Variants in DAB1 observed in about 807,000 individuals in gnomAD.
DAB1 encodes the protein disabled homolog 1.
A neutral mutation model predicts 64.6 loss-of-function variants in DAB1; 15 were observed. The ratio of observed to expected loss-of-function variants is 0.23; its 90% CI spans 0.16 to 0.36. DAB1 has a LOEUF of 0.36. DAB1 is among the 10% of genes least tolerant of loss of function. The pLI is 1.00. For missense variants in DAB1, 596 were observed against 706.7 expected (o/e 0.84, Z 1.78); for synonymous variants, 235 against 251.9 (o/e 0.93, Z 0.64).
At chr1:57,366,773 C>T (rs1018708700) in intron 1 of DAB1, among the ~76,000 whole-genome samples, 1 of 152,042 alleles carries the variant, frequency 6.6e-6, no homozygotes, top group African/African-American at 2.4e-5. Context: ...TAGCAACTTG[C>T]CTAATGTCAC....
chr1:57,530,939 G>A (rs1202207779), intron 7 of DAB1, among the ~76,000 whole-genome samples: 5 of 152,184 alleles, frequency 3.3e-5, no homozygotes, highest in African/African-American at 1.2e-4. Context: ...TTGCTGAGCA[G>A]AGAATCTTTT....
At chr1:57,911,799 C>T (rs1420058788) in intron 5 of DAB1, among the ~76,000 whole-genome samples, 2 of 152,186 alleles carry the variant, frequency 1.3e-5, no homozygotes, top group Admixed American at 1.3e-4. Flanking sequence ...TGCAGCTTAG[C>T]AAAGAGGGAC....
intron 2 of DAB1, among the ~76,000 whole-genome samples, chr1:57,207,202 C>G (rs1416199340): frequency 6.6e-6 from 1 of 151,462 alleles, no homozygotes; most frequent in Non-Finnish European, 1.5e-5. Context: ...CTCCTGACCT[C>G]AAGTGATCCA....
intron 6 of DAB1, among the ~76,000 whole-genome samples, chr1:57,667,645 C>T (rs1026540959): frequency 1.6e-4 from 25 of 152,000 alleles, no homozygotes; most frequent in South Asian, 2.1e-4. Context: ...TAGCTACATA[C>T]GATTTTTGGG....
At chr1:57,472,590 A>G (rs1570551572) in intron 7 of DAB1, among the ~76,000 whole-genome samples, 1 of 152,032 alleles carries the variant, frequency 6.6e-6, no homozygotes, top group East Asian at 1.9e-4. Flanking sequence ...TTCCGATCTA[A>G]TTACTGGTGC....
At chr1:57,960,681 G>A (rs954835190) in intron 5 of DAB1, among the ~76,000 whole-genome samples, 1 of 152,186 alleles carries the variant, frequency 6.6e-6, no homozygotes, top group Admixed American at 6.5e-5. Flanking sequence ...AGAGATCTTC[G>A]GAGGCTGAAG....
intron 5 of DAB1, among the ~76,000 whole-genome samples, chr1:57,947,763 T>G (rs966605589): frequency 6.6e-6 from 1 of 152,200 alleles, no homozygotes; most frequent in Non-Finnish European, 1.5e-5. Flanking sequence ...GTGGAATTTC[T>G]GGAGTGGGCA....
intron 4 of DAB1, among the ~76,000 whole-genome samples, chr1:57,085,249 C>T (rs1652954434): frequency 6.6e-6 from 1 of 152,184 alleles, no homozygotes; most frequent in South Asian, 2.1e-4. Context: ...TTTACTACAT[C>T]AGGTCATCTC....
chr1:58,024,434 G>A (rs1016543049), intron 5 of DAB1, among the ~76,000 whole-genome samples: 1 of 152,150 alleles, frequency 6.6e-6, no homozygotes, highest in East Asian at 1.9e-4. Context: ...GTTATTGTGT[G>A]CATAAAATAA....
chr1:58,050,765 G>A (rs908059977), intron 5 of DAB1, among the ~76,000 whole-genome samples: 10 of 152,064 alleles, frequency 6.6e-5, no homozygotes, highest in Non-Finnish European at 1.5e-4. Context: ...TCCTAATCTC[G>A]TGATCCGCCC....
chr1:58,506,337 G>T, intron 2 of DAB1: 1 of 579,894 alleles, frequency 1.7e-6, no homozygotes, highest in Non-Finnish European at 3.0e-6. Flanking sequence ...TGCACAACGT[G>T]CAGGTTTGTT....
At chr1:57,129,382 C>A (rs1469128663) in intron 4 of DAB1, among the ~76,000 whole-genome samples, 1 of 152,024 alleles carries the variant, frequency 6.6e-6, no homozygotes, top group Non-Finnish European at 1.5e-5. Flanking sequence ...ACTAACCACA[C>A]AGAGACCCAA....
At chr1:57,500,200 C>T (rs2691452) in intron 7 of DAB1, among the ~76,000 whole-genome samples, 11,892 of 152,172 alleles carry the variant, frequency 0.078, 1,449 homozygotes, top group African/African-American at 0.26. Flanking sequence ...GCTATATCTC[C>T]CCCTTTCAGA....
At chr1:58,481,491 A>C (rs1225565342) in intron 3 of DAB1, among the ~76,000 whole-genome samples, 3 of 152,236 alleles carry the variant, frequency 2.0e-5, no homozygotes, top group Non-Finnish European at 2.9e-5. Context: ...AAACTCTAGC[A>C]GACCGGAGAA....
At position 57,229,219 on chromosome 1, in the gene DAB1, G is replaced by C. The variant is rs571510125; in HGVS notation, c.67+61745C>G. 4.1e-5 allele frequency among the ~76,000 whole-genome samples: 6 copies of C among 147,968 alleles called. No homozygotes were observed. The East Asian group carries it at 1.2e-3, about 29-fold the overall frequency. On this transcript the variant is annotated intron_variant, in intron 2 of 14. Coordinates refer to ENST00000371236, the MANE Select transcript of DAB1 (RefSeq NM_001365792.1). ...TTCTTTTTTTTTTTTTTTTAAACAGGCTCTCACTGTGTCATGCAGGCTGGA... is the reference window on the plus strand; with the variant it reads ...TTCTTTTTTTTTTTTTTTTAAACAGCCTCTCACTGTGTCATGCAGGCTGGA...
At chr1:57,393,966 G>T (rs1682604128) in intron 1 of DAB1, among the ~76,000 whole-genome samples, 1 of 152,182 alleles carries the variant, frequency 6.6e-6, no homozygotes, top group Non-Finnish European at 1.5e-5. Flanking sequence ...ATCTACATGT[G>T]TATCTATAAT....
At chr1:57,487,251 C>G (rs978876567) in intron 7 of DAB1, among the ~76,000 whole-genome samples, 1 of 152,242 alleles carries the variant, frequency 6.6e-6, no homozygotes, top group African/African-American at 2.4e-5. Context: ...TGGAGGCCCA[C>G]AGTGAGCCCT....
At chr1:58,131,679 G>C (rs369317805) in intron 5 of DAB1, among the ~76,000 whole-genome samples, 5 of 142,132 alleles carry the variant, frequency 3.5e-5, no homozygotes, top group Admixed American at 6.8e-5. Flanking sequence ...TTCTAACAGA[G>C]AGGACCCTCA....
chr1:58,267,463 T>C (rs1344049317), intron 4 of DAB1, among the ~76,000 whole-genome samples: 3 of 152,160 alleles, frequency 2.0e-5, no homozygotes, highest in African/African-American at 7.2e-5. Flanking sequence ...ATCATTCTTA[T>C]AGTTCACGAC....
Sources: gnomAD v4.1 joint callset for allele counts (sites outside exome capture counted in the v4.1 genomes callset) on GRCh38, gnomAD v4.1.1 for gene constraint, MANE v1.5 for transcripts, NCBI Gene and HGNC (gene_info 2026-07-23, HGNC 2026-07-21) for gene names.